Variants in TACR3 observed in about 807,000 individuals in gnomAD.
TACR3 encodes the protein tachykinin receptor 3.
A neutral mutation model predicts 35.0 loss-of-function variants in TACR3; 34 were observed. That is an observed-to-expected ratio of 0.97 (90% CI 0.74 to 1.30). The LOEUF (loss-of-function observed/expected upper bound fraction) is 1.30, where lower values mean the gene tolerates loss of function less well. Among genes scored for constraint, TACR3 ranks in the 50% most tolerant of loss-of-function variants. TACR3 has a pLI of 0.00. For synonymous variants in TACR3, 233 were observed against 221.1 expected, an observed-to-expected ratio of 1.05 and a Z score of -0.48; for missense variants, 558 against 591.7, an observed-to-expected ratio of 0.94 and a Z score of 0.59.
chr4:103,681,844 A>T (rs1323125910), intron 1 of TACR3, among the ~76,000 whole-genome samples: 1 of 152,128 alleles, frequency 6.6e-6, no homozygotes, highest in East Asian at 1.9e-4. Flanking sequence ...TACCAAGATG[A>T]CCCATATTCT....
rs1217545602 is a variant in TACR3 at position 103,711,114 on chromosome 4, AAG to A, written c.548+8012_548+8013del. Among the ~76,000 whole-genome samples, 4 of 152,194 alleles carry A rather than the reference AAG, an allele frequency of 2.6e-5. No homozygotes were observed. In the East Asian group the frequency reaches 7.7e-4, roughly 29 times the overall value. On this transcript the variant is annotated intron_variant, in intron 1 of 4. Coordinates refer to ENST00000304883, the MANE Select transcript of TACR3 (RefSeq NM_001059.3). Reference sequence around the variant, plus strand: ...ATGAAACTATTCCAACCAGTAGAAAAAGAGGGAATGCTCTCTAACTCATTTTA... The same window carrying A: ...ATGAAACTATTCCAACCAGTAGAAAAAGGGAATGCTCTCTAACTCATTTTA...
intron 1 of TACR3, among the ~76,000 whole-genome samples, chr4:103,712,934 C>T (rs1187372702): frequency 6.6e-6 from 1 of 152,212 alleles, no homozygotes. Context: ...CATACCATCT[C>T]ACACCAGTTA....
chr4:103,688,298 G>C (rs1386571020), intron 1 of TACR3, among the ~76,000 whole-genome samples: 3 of 152,122 alleles, frequency 2.0e-5, no homozygotes, highest in African/African-American at 7.2e-5. Flanking sequence ...AAAAACCCTA[G>C]AAGAAAACCT....
Position 103,589,452 on chromosome 4 carries a change from A to C in TACR3, c.*230T>G. ...TTTTGTTCATTGCATATAATAATTT[A>C]GAGTTTTCAAAGAATAAATTTAAAG... On this transcript the variant is annotated 3_prime_UTR_variant, in exon 5 of 5. Coordinates refer to ENST00000304883, the MANE Select transcript of TACR3 (RefSeq NM_001059.3). 3.9e-6 allele frequency: 2 copies of C among 518,320 alleles called. No homozygotes were observed. Among genetic ancestry groups the C allele is most frequent in the Non-Finnish European group, 6.9e-6 (2 of 290,912 alleles). 32.1% of individuals were successfully genotyped at this position (518,320 alleles called of 1,614,324 possible).
At chr4:103,663,269 G>A (rs929950091) in intron 1 of TACR3, among the ~76,000 whole-genome samples, 20 of 152,258 alleles carry the variant, frequency 1.3e-4, no homozygotes, top group African/African-American at 2.9e-4. Flanking sequence ...CAAGGTGGGC[G>A]GATCACTTGA....
intron 3 of TACR3, among the ~76,000 whole-genome samples, chr4:103,633,046 A>G (rs1725102464): frequency 9.2e-6 from 1 of 108,830 alleles, no homozygotes; most frequent in Admixed American, 8.2e-5. Context: ...TATTTTCCTG[A>G]CATCTTTTTG....
Position 103,597,503 on chromosome 4 carries a change from G to A in TACR3, c.889-5820C>T, listed in dbSNP as rs531556531. On this transcript the variant is annotated intron_variant, in intron 3 of 4. Transcript: ENST00000304883. The stretch of plus-strand genomic sequence containing the variant: ...AAGTTTTAGGGTACAAGTGCACAAC[G>A]TGCAGGTTTGTTACATATGTATACA... 2.6e-5 allele frequency among the ~76,000 whole-genome samples: 4 copies of A among 151,920 alleles called. No homozygotes were observed. In the South Asian group the frequency reaches 8.3e-4, roughly 32 times the overall value.
At chr4:103,635,584 A>C (rs1221286022) in intron 3 of TACR3, among the ~76,000 whole-genome samples, 1 of 152,028 alleles carries the variant, frequency 6.6e-6, no homozygotes, top group African/African-American at 2.4e-5. Context: ...GGCTCTAACC[A>C]AAATCAAGTG....
chr4:103,628,288 C>G (rs897456440), intron 3 of TACR3, among the ~76,000 whole-genome samples: 1 of 152,078 alleles, frequency 6.6e-6, no homozygotes, highest in Admixed American at 6.6e-5. Flanking sequence ...CAAGAAATCA[C>G]TAAGATCAGA....
intron 1 of TACR3, among the ~76,000 whole-genome samples, chr4:103,708,487 G>A (rs993061346): frequency 5.3e-5 from 8 of 152,016 alleles, no homozygotes; most frequent in African/African-American, 9.7e-5. Flanking sequence ...AAGGACATCC[G>A]CACCAAAACC....
chr4:103,671,793 T>C (rs947548647), intron 1 of TACR3, among the ~76,000 whole-genome samples: 1 of 152,100 alleles, frequency 6.6e-6, no homozygotes, highest in African/African-American at 2.4e-5. Flanking sequence ...CTCTTAGTCC[T>C]GCTTTTGCTG....
At chr4:103,676,869 T>C (rs1266530105) in intron 1 of TACR3, among the ~76,000 whole-genome samples, 1 of 152,006 alleles carries the variant, frequency 6.6e-6, no homozygotes, top group Non-Finnish European at 1.5e-5. Flanking sequence ...AAAGGGATCA[T>C]ATTAAACTAA....
intron 1 of TACR3, among the ~76,000 whole-genome samples, chr4:103,699,239 G>A (rs1195709353): frequency 1.3e-5 from 2 of 152,182 alleles, no homozygotes; most frequent in Non-Finnish European, 2.9e-5. Flanking sequence ...AAGCAGTATA[G>A]GGAATGAACA....
intron 1 of TACR3, among the ~76,000 whole-genome samples, chr4:103,671,685 C>A (rs116826200): frequency 0.01 from 1,572 of 151,984 alleles, 25 homozygotes; most frequent in African/African-American, 0.036. Context: ...CTCCTTTCTT[C>A]TTTGGCTAAA....
chr4:103,678,847 A>G (rs954975645), intron 1 of TACR3, among the ~76,000 whole-genome samples: 3 of 150,682 alleles, frequency 2.0e-5, no homozygotes, highest in African/African-American at 7.3e-5. Context: ...CTATAAGATT[A>G]TTTTATTTTA....
chr4:103,651,396 C>A (rs1042011418), intron 3 of TACR3, among the ~76,000 whole-genome samples: 2 of 151,830 alleles, frequency 1.3e-5, no homozygotes, highest in Non-Finnish European at 2.9e-5. Context: ...GGAGTACTGC[C>A]AGACTACCAC....
intron 1 of TACR3, among the ~76,000 whole-genome samples, chr4:103,697,068 T>A (rs2110220424): frequency 6.6e-6 from 1 of 152,240 alleles, no homozygotes; most frequent in South Asian, 2.1e-4. Context: ...TGTGAGCCAC[T>A]GTTCCAGGTC....
chr4:103,698,676 A>C (rs1722580379), intron 1 of TACR3, among the ~76,000 whole-genome samples: 1 of 152,136 alleles, frequency 6.6e-6, no homozygotes, highest in Non-Finnish European at 1.5e-5. Context: ...AGAACTAAAA[A>C]TTTTTAATAA....
At chr4:103,699,157 A>G (rs1307600781) in intron 1 of TACR3, among the ~76,000 whole-genome samples, 1 of 152,232 alleles carries the variant, frequency 6.6e-6, no homozygotes, top group Non-Finnish European at 1.5e-5. Context: ...CAGATGGTCC[A>G]ATTACATAGT....
Sources: gnomAD v4.1 joint callset for allele counts (sites outside exome capture counted in the v4.1 genomes callset) on GRCh38, gnomAD v4.1.1 for gene constraint, MANE v1.5 for transcripts, NCBI Gene and HGNC (gene_info 2026-07-23, HGNC 2026-07-21) for gene names.